The following RETREG3 variants were observed in gnomAD, a reference collection of about 807,000 sequenced individuals.
RETREG3 encodes the protein reticulophagy regulator 3.
RETREG3 carries 23 observed loss-of-function variants against 50.2 expected under a neutral mutation model. That is an observed-to-expected ratio of 0.46 (90% CI 0.33 to 0.65). The LOEUF is 0.65. Among genes scored for constraint, RETREG3 ranks in the 30% least tolerant of loss-of-function variants. The pLI is 0.02. For missense variants in RETREG3, 546 were observed against 598.0 expected, an observed-to-expected ratio of 0.91 and a Z score of 0.91; for synonymous variants, 240 against 234.4, an observed-to-expected ratio of 1.02 and a Z score of -0.22.
chr17:42,595,900 A>C (rs1272298371), intron 1 of RETREG3, among the ~76,000 whole-genome samples: 1 of 150,676 alleles, frequency 6.6e-6, no homozygotes, highest in Non-Finnish European at 1.5e-5. Context: ...GGCCCTGTCT[A>C]AGAAAAAAAA....
chr17:42,595,831 G>A (rs2093143220), intron 1 of RETREG3, among the ~76,000 whole-genome samples: 1 of 150,732 alleles, frequency 6.6e-6, no homozygotes. Flanking sequence ...AAGTCCAGGA[G>A]GTTGAGGCAG....
intron 1 of RETREG3, among the ~76,000 whole-genome samples, chr17:42,593,858 C>T (rs977722286): frequency 1.3e-5 from 2 of 151,928 alleles, no homozygotes; most frequent in East Asian, 3.9e-4. Context: ...TCATTTTTTC[C>T]CTTTTTTCCC....
At chr17:42,589,474 C>T (rs2093128134) in intron 2 of RETREG3, among the ~76,000 whole-genome samples, 1 of 152,178 alleles carries the variant, frequency 6.6e-6, no homozygotes, top group South Asian at 2.1e-4. Flanking sequence ...GCCCTGTTGT[C>T]TTGGCTGGAG....
chr17:42,608,857 G>A (rs9897375), intron 1 of RETREG3: 279,763 of 531,506 alleles, frequency 0.53, 75,041 homozygotes, highest in South Asian at 0.63. Flanking sequence ...CAGATGTGCG[G>A]GGCGGGGGTG....
At chr17:42,587,616 CTTCT>C (rs1481366777) in intron 3 of RETREG3, 1 of 555,624 alleles carries the variant, frequency 1.8e-6, no homozygotes, top group Non-Finnish European at 3.2e-6. Context: ...CACTGTAATG[CTTCT>C]TTTTCAGAAA....
intron 3 of RETREG3, chr17:42,587,622 T>C (rs1195802676): frequency 3.5e-6 from 2 of 566,834 alleles, no homozygotes; most frequent in South Asian, 2.2e-5. Flanking sequence ...AATGCTTCTT[T>C]TTCAGAAACT....
At chr17:42,583,645 A>G (rs1445369226) in intron 6 of RETREG3, 65 bp from the exon 7 acceptor site, 1 of 1,475,986 alleles carries the variant, frequency 6.8e-7, no homozygotes, top group Non-Finnish European at 9.3e-7. Context: ...TTTGGACTTT[A>G]AAGACATAAA....
intron 1 of RETREG3, among the ~76,000 whole-genome samples, chr17:42,600,223 A>G (rs1224318390): frequency 6.6e-6 from 1 of 152,078 alleles, no homozygotes; most frequent in Non-Finnish European, 1.5e-5. Context: ...TCTCTACTGA[A>G]AAGAAAAACA....
In RETREG3 at chr17:42,580,785, C is replaced by G. The variant is rs186535801; in HGVS notation, c.*1028G>C. ...GGGCACAGTGGCTCACACCTGTAAT[C>G]CCAACACTTTGGGTGGCTGAGGCGG... On this transcript the variant is annotated 3_prime_UTR_variant, in exon 9 of 9. Coordinates refer to ENST00000309428, the MANE Select transcript of RETREG3 (RefSeq NM_178126.4). 6.6e-6 allele frequency: 1 copy of G among 152,084 alleles called. No homozygotes were observed. The highest frequency in any genetic ancestry group is 1.5e-5 in the Non-Finnish European group (1 of 67,994). The allele number at this position is 152,084 out of a possible 1,614,324, so 9.4% of individuals were successfully genotyped here. A position where few individuals can be genotyped will look rare whatever the true frequency, so the allele number is the denominator to read the frequency against.
rs756408849 is a variant in RETREG3 at position 42,582,727 on chromosome 17, T to C, written c.890A>G (p.Asn297Ser). Residue 297 changes from asparagine (N) to serine (S), a missense_variant, in exon 8 of 9, where the codon AAT becomes AGT. By Grantham distance (46) the Asn-to-Ser change is conservative. Transcript: ENST00000309428. The stretch of plus-strand genomic sequence containing the variant: ...GCCCCTTGAAAGATTGAATGTGCCA[T>C]TGTCTGTACAGGAGACTTCAGCGTC... The part of the protein sequence containing the change: ...HSDAEVSCTD[N>S]GTFNLSRGQT... 8.1e-6 allele frequency: 13 copies of C among 1,614,240 alleles called. No individual in the cohort carries two copies. The highest frequency in any genetic ancestry group is 1.6e-4 in the Middle Eastern group (1 of 6,062).
intron 1 of RETREG3, among the ~76,000 whole-genome samples, chr17:42,607,287 C>G (rs2093169443): frequency 6.6e-6 from 1 of 151,568 alleles, no homozygotes; most frequent in South Asian, 2.1e-4. Flanking sequence ...TCACCAGAGC[C>G]TAGGAGTTCG....
At chr17:42,589,227 T>C (rs1302132365) in intron 2 of RETREG3, among the ~76,000 whole-genome samples, 1 of 152,176 alleles carries the variant, frequency 6.6e-6, no homozygotes, top group Non-Finnish European at 1.5e-5. Context: ...CTATAAAATA[T>C]GATGGGCATG....
Position 42,609,362 on chromosome 17 carries a change from GA to G in RETREG3, c.-39del. Reference sequence around the variant, plus strand: ...GCCACAACATCCGGGGCCGTGGCCCGACAAGTCACAATAACAGCAACTGCGC... The same window carrying G: ...GCCACAACATCCGGGGCCGTGGCCCGCAAGTCACAATAACAGCAACTGCGC... On this transcript the variant is annotated 5_prime_UTR_variant, in exon 1 of 9. Transcript: ENST00000309428. The G allele has an allele frequency of 6.4e-6, 10 of 1,558,538 alleles. No individual in the cohort carries two copies. Among genetic ancestry groups the G allele is most frequent in the Non-Finnish European group, 8.7e-6 (10 of 1,154,226 alleles).
At chr17:42,589,106 C>CAAAAAAAAAAAAA (rs58887647) in intron 2 of RETREG3, among the ~76,000 whole-genome samples, 1 of 132,852 alleles carries the variant, frequency 7.5e-6, no homozygotes. Context: ...TGTCTCTAAC[C>CAAAAAAAAAAAAA]AAAAAAAAAA....
intron 8 of RETREG3, 21 bp from the exon 9 acceptor site, chr17:42,582,291 C>CT (rs780461957): frequency 1.9e-6 from 3 of 1,583,980 alleles, no homozygotes; most frequent in Admixed American, 1.7e-5. Flanking sequence ...ACAGAAGTGT[C>CT]TGAGTCATGG....
At position 42,582,218 on chromosome 17, in the gene RETREG3, G is replaced by C; in HGVS notation, c.996C>G (p.Asp332Glu). ...PEESFARDLP[D>E]FPSINMDPAG... ...CAGGATCCATATTAATGGAAGGGAA[G>C]TCTGGAAGGTCTCTGGCAAAGGATT... The change falls in exon 9 of 9, where the codon GAC becomes GAG. Residue 332 changes from aspartate (D) to glutamate (E), a missense_variant. Asp to Glu is a conservative substitution (Grantham distance 45). Transcript: ENST00000309428. 1.9e-6 allele frequency: 3 copies of C among 1,612,518 alleles called. No homozygotes were observed. The highest frequency in any genetic ancestry group is 2.5e-6 in the Non-Finnish European group (3 of 1,180,024).
intron 8 of RETREG3, 131 bp from the exon 9 acceptor site, chr17:42,582,401 C>T: frequency 1.1e-6 from 1 of 908,912 alleles, no homozygotes; most frequent in South Asian, 1.7e-5. Context: ...GTATACCTTT[C>T]CCCTCCACTT....
chr17:42,593,638 ACTC>A (rs2093137595), intron 1 of RETREG3, among the ~76,000 whole-genome samples: 1 of 135,952 alleles, frequency 7.4e-6, no homozygotes, highest in Admixed American at 7.8e-5. Flanking sequence ...ACAGAGCAAG[ACTC>A]CGTCTCAAAA....
At position 42,579,931 on chromosome 17, in the gene RETREG3, C is replaced by T. The variant is rs1934657308; in HGVS notation, c.*1882G>A. 1.3e-5 allele frequency: 2 copies of T among 153,032 alleles called. No individual in the cohort carries two copies. 9.5% of individuals were successfully genotyped at this position (153,032 alleles called of 1,614,324 possible). ...AGCAAACATGTCAGCACACCCCCACCTGCAGTACATGAAAACAGGCTCTGT... is the reference window on the plus strand; with the variant it reads ...AGCAAACATGTCAGCACACCCCCACTTGCAGTACATGAAAACAGGCTCTGT... On this transcript the variant is annotated 3_prime_UTR_variant, in exon 9 of 9. Coordinates refer to ENST00000309428, the MANE Select transcript of RETREG3 (RefSeq NM_178126.4).
Sources: gnomAD v4.1 joint callset for allele counts (sites outside exome capture counted in the v4.1 genomes callset) on GRCh38, gnomAD v4.1.1 for gene constraint, MANE v1.5 for transcripts, NCBI Gene and HGNC (gene_info 2026-07-23, HGNC 2026-07-21) for gene names.